The following ANKRD29 variants were observed in gnomAD, a reference collection of about 807,000 sequenced individuals.
ANKRD29 encodes the protein ankyrin repeat domain-containing protein 29.
Under a neutral mutation model 38.0 loss-of-function variants are expected in ANKRD29, and 32 were observed. The ratio of observed to expected loss-of-function variants is 0.84; its 90% CI spans 0.64 to 1.13. The LOEUF (loss-of-function observed/expected upper bound fraction) is 1.13, where lower values mean the gene tolerates loss of function less well. Among genes scored for constraint, ANKRD29 ranks in the 50% most tolerant of loss-of-function variants. ANKRD29 has a pLI of 0.00. For synonymous variants in ANKRD29, 135 were observed against 152.4 expected (o/e 0.89, Z 0.84); for missense variants, 357 against 377.9 (o/e 0.94, Z 0.46).
At chr18:23,634,988 G>T (rs1015155826) in intron 4 of ANKRD29, among the ~76,000 whole-genome samples, 1 of 152,162 alleles carries the variant, frequency 6.6e-6, no homozygotes, top group Non-Finnish European at 1.5e-5. Flanking sequence ...TTAAAAGAGC[G>T]GATAGCTATG....
intron 5 of ANKRD29, among the ~76,000 whole-genome samples, chr18:23,632,892 C>A (rs577294371): frequency 2.0e-5 from 3 of 152,066 alleles, no homozygotes; most frequent in Non-Finnish European, 4.4e-5. Flanking sequence ...TGTGATTTGT[C>A]AGGGTTAACC....
intron 1 of ANKRD29, among the ~76,000 whole-genome samples, chr18:23,651,304 G>A (rs777573657): frequency 5.3e-5 from 8 of 152,154 alleles, no homozygotes; most frequent in East Asian, 1.9e-4. Context: ...TTTCCTGACC[G>A]TGTAAATTTT....
At chr18:23,641,896 C>T (rs2060082512) in intron 3 of ANKRD29, among the ~76,000 whole-genome samples, 1 of 152,034 alleles carries the variant, frequency 6.6e-6, no homozygotes. Flanking sequence ...AGAGCTGGAC[C>T]CAGATATCGG....
chr18:23,601,064 C>G lies in ANKRD29; in HGVS notation c.*162G>C. 1 of 621,046 alleles carries G rather than the reference C, an allele frequency of 1.6e-6. No homozygotes were observed. The highest frequency in any genetic ancestry group is 2.8e-6 in the Non-Finnish European group (1 of 362,598). The allele number at this position is 621,046 out of a possible 1,614,324, so 38.5% of individuals were successfully genotyped here. A position where few individuals can be genotyped will look rare whatever the true frequency, so the allele number is the denominator to read the frequency against. On this transcript the variant is annotated 3_prime_UTR_variant, in exon 10 of 10. Transcript: ENST00000592179. ...GGTCCCTGAGCTGTTTGGTTCTTGA[C>G]TTCGTGCACAGAGCGTAGCTCTTCT...
At chr18:23,633,254 T>G in intron 5 of ANKRD29, among the ~76,000 whole-genome samples, 1 of 152,196 alleles carries the variant, frequency 6.6e-6, no homozygotes, top group East Asian at 1.9e-4. Context: ...CTTTCACAGG[T>G]CAATGGCATG....
intron 9 of ANKRD29, among the ~76,000 whole-genome samples, chr18:23,603,704 A>G (rs1384123916): frequency 6.6e-6 from 1 of 152,242 alleles, no homozygotes; most frequent in Non-Finnish European, 1.5e-5. Context: ...TTAAGGTCAT[A>G]GTGGTAGATA....
chr18:23,618,432 A>G, intron 7 of ANKRD29: 1 of 152,352 alleles, frequency 6.6e-6, no homozygotes, highest in Admixed American at 6.5e-5. Flanking sequence ...CAAAAATACA[A>G]TAGCCGGGTG....
intron 1 of ANKRD29, among the ~76,000 whole-genome samples, chr18:23,657,846 A>G (rs570902316): frequency 6.6e-6 from 1 of 152,344 alleles, no homozygotes; most frequent in South Asian, 2.1e-4. Context: ...CCAAATTCAT[A>G]TGCTGAAGCC....
chr18:23,615,937 G>C (rs1029458256), intron 8 of ANKRD29, among the ~76,000 whole-genome samples: 2 of 133,956 alleles, frequency 1.5e-5, no homozygotes, highest in African/African-American at 5.5e-5. Context: ...ATATTATATA[G>C]TATATAATAT....
chr18:23,629,046 G>A (rs1251121245), intron 6 of ANKRD29, among the ~76,000 whole-genome samples: 1 of 152,210 alleles, frequency 6.6e-6, no homozygotes, highest in Non-Finnish European at 1.5e-5. Context: ...GTGCAGAGGC[G>A]CGATCTCGGC....
intron 5 of ANKRD29, among the ~76,000 whole-genome samples, chr18:23,631,304 G>A (rs1346217598): frequency 6.0e-5 from 9 of 150,556 alleles, no homozygotes; most frequent in Non-Finnish European, 1.2e-4. Flanking sequence ...GTAGTGGTAC[G>A]ACCACAGCTC....
Position 23,662,781 on chromosome 18 carries a change from T to C in ANKRD29, c.-51A>G. On this transcript the variant is annotated 5_prime_UTR_variant, in exon 1 of 10. Coordinates refer to ENST00000592179, the MANE Select transcript of ANKRD29 (RefSeq NM_173505.4). ...GGCGCGCTTTGGGCCCGGGGCGCCT[T>C]GTCCTCCCCGGCCCTTCACTCTCCC... 7.0e-7 allele frequency: 1 copy of C among 1,428,596 alleles called. No individual in the cohort carries two copies. Among genetic ancestry groups the C allele is most frequent in the Non-Finnish European group, 9.2e-7 (1 of 1,091,700 alleles). 88.5% of individuals were successfully genotyped at this position (1,428,596 alleles called of 1,614,324 possible).
intron 1 of ANKRD29, among the ~76,000 whole-genome samples, chr18:23,652,763 C>A (rs1008437880): frequency 1.3e-5 from 2 of 152,204 alleles, no homozygotes; most frequent in African/African-American, 2.4e-5. Flanking sequence ...AACCAAGGAG[C>A]TTCTCTCAGG....
chr18:23,647,582 C>G (rs1179344302), intron 2 of ANKRD29: 1 of 151,698 alleles, frequency 6.6e-6, no homozygotes. Context: ...TGGGATGGCA[C>G]GATCTCAGCT....
At chr18:23,619,274 A>G in intron 7 of ANKRD29, 1 of 453,970 alleles carries the variant, frequency 2.2e-6, no homozygotes, top group Non-Finnish European at 3.9e-6. Context: ...GGCCCCCAGG[A>G]CAGGCGGGAG....
intron 3 of ANKRD29, among the ~76,000 whole-genome samples, chr18:23,640,985 C>T (rs1020950825): frequency 6.6e-6 from 1 of 152,024 alleles, no homozygotes. Context: ...TGTGTGCATG[C>T]ATGTGTGGGA....
At chr18:23,630,466 C>CA (rs1286500185) in intron 5 of ANKRD29, among the ~76,000 whole-genome samples, 2 of 151,354 alleles carry the variant, frequency 1.3e-5, no homozygotes, top group Non-Finnish European at 2.9e-5. Context: ...AATAAAAATA[C>CA]AAAAATTAGC....
At chr18:23,635,319 A>G (rs2059989306) in intron 4 of ANKRD29, among the ~76,000 whole-genome samples, 3 of 151,414 alleles carry the variant, frequency 2.0e-5, no homozygotes, top group Admixed American at 1.3e-4. Context: ...CCAACTAAGC[A>G]GGGCACTGTA....
At chr18:23,613,253 A>G (rs1193809352) in intron 8 of ANKRD29, among the ~76,000 whole-genome samples, 2 of 149,566 alleles carry the variant, frequency 1.3e-5, no homozygotes, top group African/African-American at 5.0e-5. Flanking sequence ...GTTCACTGCA[A>G]CCTCTGCCTC....
Sources: gnomAD v4.1 joint callset for allele counts (sites outside exome capture counted in the v4.1 genomes callset) on GRCh38, gnomAD v4.1.1 for gene constraint, MANE v1.5 for transcripts, NCBI Gene and HGNC (gene_info 2026-07-23, HGNC 2026-07-21) for gene names.